The following DDR2 variants were observed in gnomAD, a reference collection of about 807,000 sequenced individuals.
DDR2 encodes the protein discoidin domain receptor tyrosine kinase 2.
Under a neutral mutation model 94.9 loss-of-function variants are expected in DDR2, and 27 were observed. That is an observed-to-expected ratio of 0.28 (90% CI 0.21 to 0.39). DDR2 has a LOEUF of 0.39. Ranked by LOEUF, DDR2 falls within the 10% of genes least tolerant of loss-of-function variation. The probability of loss-of-function intolerance (pLI) is 1.00; values close to 1 mark genes in which losing one functional copy is unlikely to be tolerated. For synonymous variants in DDR2, 382 were observed against 377.2 expected, an observed-to-expected ratio of 1.01 and a Z score of -0.15; for missense variants, 783 against 1,076.0, an observed-to-expected ratio of 0.73 and a Z score of 3.81.
chr1:162,703,327 T>G (rs1282243605), intron 2 of DDR2, among the ~76,000 whole-genome samples: 2 of 152,164 alleles, frequency 1.3e-5, no homozygotes, highest in African/African-American at 4.8e-5. Context: ...CAAGAGAATG[T>G]TATCAACATC....
chr1:162,690,598 T>C (rs1659920914), intron 2 of DDR2, among the ~76,000 whole-genome samples: 1 of 151,690 alleles, frequency 6.6e-6, no homozygotes, highest in Non-Finnish European at 1.5e-5. Context: ...CTGTAAAAGA[T>C]GAGAATTAAA....
intron 17 of DDR2, among the ~76,000 whole-genome samples, chr1:162,779,827 G>C (rs1647797000): frequency 6.6e-6 from 1 of 152,106 alleles, no homozygotes; most frequent in South Asian, 2.1e-4. Context: ...TCTCTTTTTG[G>C]TTGTTTCATC....
intron 2 of DDR2, among the ~76,000 whole-genome samples, chr1:162,707,604 A>G (rs1420771344): frequency 6.6e-6 from 1 of 152,128 alleles, no homozygotes; most frequent in Non-Finnish European, 1.5e-5. Context: ...GGTTTTTCCA[A>G]ATGCTCACAG....
chr1:162,698,542 A>G (rs80179811), intron 2 of DDR2, among the ~76,000 whole-genome samples: 10,165 of 152,214 alleles, frequency 0.067, 570 homozygotes, highest in East Asian at 0.18. Flanking sequence ...TTTTTCAGGC[A>G]AATGGGGGGA....
rs565660767 is a variant in DDR2 at position 162,671,434 on chromosome 1, A to G, written c.-28+16060A>G. 7.2e-4 allele frequency among the ~76,000 whole-genome samples: 109 copies of G among 152,326 alleles called. No homozygotes were observed. In the Middle Eastern group the frequency reaches 0.017, roughly 24 times the overall value. Reference sequence around the variant, plus strand: ...ATGATCATATCATTAGCATTTCCCGAGGGTTACCATGTCCCAAATGTGTGA... The same window carrying G: ...ATGATCATATCATTAGCATTTCCCGGGGGTTACCATGTCCCAAATGTGTGA... On this transcript the variant is annotated intron_variant, in intron 2 of 17. Transcript: ENST00000367921.
rs1648008351 is a variant in DDR2 at position 162,783,393 on chromosome 1, T to A, written c.*3147T>A. The A allele has an allele frequency of 6.6e-6, 1 of 151,472 alleles. No individual in the cohort carries two copies. The highest frequency in any genetic ancestry group is 2.1e-4 in the South Asian group (1 of 4,796). The allele number at this position is 151,472 out of a possible 1,614,324, so 9.4% of individuals were successfully genotyped here. A position where few individuals can be genotyped will look rare whatever the true frequency, so the allele number is the denominator to read the frequency against. ...AGAAGAGGACTGTGTGCAAGTGGGGTGAAAAAAAAGGATACGTGAATGTGC... is the reference window on the plus strand; with the variant it reads ...AGAAGAGGACTGTGTGCAAGTGGGGAGAAAAAAAAGGATACGTGAATGTGC... On this transcript the variant is annotated 3_prime_UTR_variant, in exon 18 of 18. Coordinates refer to ENST00000367921, the MANE Select transcript of DDR2 (RefSeq NM_006182.4).
rs769683391 is a variant in DDR2, at chr1:162,755,713, T to C, written c.615T>C (p.Pro205=). The change falls in exon 7 of 18, where the codon CCT becomes CCC. Residue 205 remains proline (P), a synonymous_variant. Transcript: ENST00000367921. ...CAGCTGGGCAGCAGTTTGTACTCCC[T>C]GGAGGTTCCATCATTTATCTGAATG... ...NAPAGQQFVL[P]GGSIIYLNDS... The C allele has an allele frequency of 1.2e-5, 20 of 1,614,082 alleles. 1 individual carries two copies. The highest frequency in any genetic ancestry group is 1.7e-5 in the Non-Finnish European group (20 of 1,180,020).
At chr1:162,669,820 G>C (rs976054200) in intron 2 of DDR2, among the ~76,000 whole-genome samples, 1 of 152,148 alleles carries the variant, frequency 6.6e-6, no homozygotes, top group Non-Finnish European at 1.5e-5. Context: ...GGAGTCACCA[G>C]CCCATTTAAA....
At chr1:162,775,152 T>C (rs1376879724) in intron 14 of DDR2, among the ~76,000 whole-genome samples, 1 of 151,988 alleles carries the variant, frequency 6.6e-6, no homozygotes, top group Non-Finnish European at 1.5e-5. Flanking sequence ...CGTACTGCAT[T>C]AAGAAAAGTC....
chr1:162,756,059 A>G (rs1359068608), intron 7 of DDR2, among the ~76,000 whole-genome samples: 6 of 152,192 alleles, frequency 3.9e-5, no homozygotes, highest in African/African-American at 1.4e-4. Flanking sequence ...TTTGACCCTC[A>G]AAACAGGACA....
intron 2 of DDR2, among the ~76,000 whole-genome samples, chr1:162,665,916 T>C (rs1658527984): frequency 1.3e-5 from 2 of 152,352 alleles, no homozygotes; most frequent in South Asian, 4.1e-4. Context: ...TTAACCAGTA[T>C]AAATTGGTTT....
intron 3 of DDR2, among the ~76,000 whole-genome samples, chr1:162,728,805 G>A (rs556094213): frequency 2.0e-5 from 3 of 152,132 alleles, no homozygotes; most frequent in South Asian, 4.1e-4. Flanking sequence ...CACGTGATAC[G>A]GTTACTAGAC....
Position 162,776,238 on chromosome 1 carries a change from A to G in DDR2, c.2151A>G (p.Leu717=), listed in dbSNP as rs775368569. ...VHRDLATRNC[L]VGKNYTIKIA... ...GAGATCTGGCCACACGAAACTGTTT[A>G]GTGGGTAAGAACTACACAATCAAGA... The change falls in exon 16 of 18, where the codon TTA becomes TTG. Residue 717 remains leucine, a synonymous_variant. Coordinates refer to ENST00000367921, the MANE Select transcript of DDR2 (RefSeq NM_006182.4). 1.1e-5 allele frequency: 18 copies of G among 1,613,600 alleles called. No homozygotes were observed. The highest frequency in any genetic ancestry group is 1.5e-5 in the Non-Finnish European group (18 of 1,179,920).
intron 2 of DDR2, among the ~76,000 whole-genome samples, chr1:162,684,850 CACACAT>C (rs999128451): frequency 3.4e-5 from 5 of 145,226 alleles, no homozygotes; most frequent in African/African-American, 1.3e-4. Context: ...CACACACACA[CACACAT>C]ACATGAATAG....
chr1:162,696,435 C>G (rs1397437710), intron 2 of DDR2, among the ~76,000 whole-genome samples: 1 of 151,746 alleles, frequency 6.6e-6, no homozygotes, highest in Non-Finnish European at 1.5e-5. Flanking sequence ...GGCTCCAGCT[C>G]TGGCTGAGGG....
intron 3 of DDR2, among the ~76,000 whole-genome samples, chr1:162,735,847 A>G (rs1266040886): frequency 6.6e-6 from 1 of 152,258 alleles, no homozygotes; most frequent in Non-Finnish European, 1.5e-5. Context: ...AATGAGCAGT[A>G]CGTTAGAAGG....
intron 2 of DDR2, among the ~76,000 whole-genome samples, chr1:162,675,321 G>T (rs1357126600): frequency 6.6e-6 from 1 of 152,178 alleles, no homozygotes; most frequent in Admixed American, 6.6e-5. Context: ...TAGAAGAAAG[G>T]GGTTCTGGCG....
At chr1:162,699,704 C>T (rs988257950) in intron 2 of DDR2, among the ~76,000 whole-genome samples, 2 of 147,672 alleles carry the variant, frequency 1.4e-5, no homozygotes, top group Non-Finnish European at 3.0e-5. Context: ...TTCTCTTAAT[C>T]TCACTTTTAT....
chr1:162,649,456 T>A (rs143852074), intron 1 of DDR2, among the ~76,000 whole-genome samples: 142 of 152,340 alleles, frequency 9.3e-4, no homozygotes, highest in African/African-American at 3.2e-3. Context: ...CACTAACTGG[T>A]GATCTTGGGT....
Sources: allele counts gnomAD v4.1 joint callset (sites outside exome capture counted in the v4.1 genomes callset), GRCh38; gene constraint gnomAD v4.1.1; transcripts MANE v1.5; gene names NCBI Gene and HGNC (gene_info 2026-07-23, HGNC 2026-07-21).